Variants in PPP2R5E observed in about 807,000 individuals in gnomAD.
PPP2R5E encodes protein phosphatase 2 regulatory subunit B'epsilon.
Under a neutral mutation model 65.3 loss-of-function variants are expected in PPP2R5E, and 4 were observed. The observed-to-expected ratio is 0.06, with a 90% CI of 0.03 to 0.14. The LOEUF (loss-of-function observed/expected upper bound fraction) is 0.14. Ranked by LOEUF, PPP2R5E falls within the 10% of genes least tolerant of loss-of-function variation. The pLI is 1.00. For missense variants in PPP2R5E, 274 were observed against 556.1 expected (o/e 0.49, Z 5.10); for synonymous variants, 183 against 187.4 (o/e 0.98, Z 0.19).
At chr14:63,393,221 T>C (rs1185892526) in intron 8 of PPP2R5E, among the ~76,000 whole-genome samples, 1 of 152,212 alleles carries the variant, frequency 6.6e-6, no homozygotes, top group African/African-American at 2.4e-5. Flanking sequence ...CATTTTATTA[T>C]ATGTAATAGG....
intron 2 of PPP2R5E, among the ~76,000 whole-genome samples, chr14:63,529,135 T>C (rs1467479590): frequency 6.6e-6 from 1 of 152,174 alleles, no homozygotes; most frequent in Non-Finnish European, 1.5e-5. Context: ...AATTTTTTAA[T>C]TTTCTAGTAG....
chr14:63,383,611 G>A (rs1884495262), intron 12 of PPP2R5E, among the ~76,000 whole-genome samples: 1 of 152,110 alleles, frequency 6.6e-6, no homozygotes, highest in South Asian at 2.1e-4. Flanking sequence ...AATTAGAAAT[G>A]TGATATTTTA....
intron 3 of PPP2R5E, among the ~76,000 whole-genome samples, chr14:63,437,048 C>A (rs1369035320): frequency 6.6e-6 from 1 of 152,164 alleles, no homozygotes; most frequent in Non-Finnish European, 1.5e-5. Context: ...CAAAACCCAC[C>A]AAAACCAAGA....
chr14:63,523,528 A>G (rs1020413077), intron 2 of PPP2R5E, among the ~76,000 whole-genome samples: 2 of 151,862 alleles, frequency 1.3e-5, no homozygotes, highest in African/African-American at 4.8e-5. Context: ...GTTAAGAGTC[A>G]TCACCACTCC....
intron 2 of PPP2R5E, among the ~76,000 whole-genome samples, chr14:63,531,373 A>G (rs1893427531): frequency 6.6e-6 from 1 of 151,610 alleles, no homozygotes; most frequent in Admixed American, 6.6e-5. Flanking sequence ...CCTATGAGTG[A>G]GAACATGCGG....
At chr14:63,540,568 C>T (rs1251756904) in intron 1 of PPP2R5E, among the ~76,000 whole-genome samples, 1 of 145,412 alleles carries the variant, frequency 6.9e-6, no homozygotes, top group East Asian at 2.0e-4. Context: ...AAAAAAAATA[C>T]AAAAATTAGC....
chr14:63,459,827 T>C (rs1473480599), intron 2 of PPP2R5E, among the ~76,000 whole-genome samples: 1 of 152,224 alleles, frequency 6.6e-6, no homozygotes, highest in Non-Finnish European at 1.5e-5. Flanking sequence ...TTGAAATTCT[T>C]TCTCTCCATT....
intron 2 of PPP2R5E, among the ~76,000 whole-genome samples, chr14:63,458,378 C>T (rs917323093): frequency 1.3e-5 from 2 of 152,198 alleles, no homozygotes; most frequent in African/African-American, 2.4e-5. Context: ...TATCACCTCA[C>T]ATTTTCTTCA....
intron 2 of PPP2R5E, among the ~76,000 whole-genome samples, chr14:63,466,364 A>G (rs1889802108): frequency 1.3e-5 from 2 of 152,066 alleles, no homozygotes; most frequent in African/African-American, 4.8e-5. Context: ...ATTTTAAAGT[A>G]TGAGAGCTTA....
At chr14:63,475,041 C>T (rs1459744122) in intron 2 of PPP2R5E, among the ~76,000 whole-genome samples, 1 of 152,242 alleles carries the variant, frequency 6.6e-6, no homozygotes, top group African/African-American at 2.4e-5. Context: ...AGACATGTGA[C>T]ATGCAGGTGG....
chr14:63,436,483 C>A (rs2139416617), intron 3 of PPP2R5E, among the ~76,000 whole-genome samples: 1 of 152,324 alleles, frequency 6.6e-6, no homozygotes, highest in African/African-American at 2.4e-5. Flanking sequence ...TGTCTGTGAC[C>A]TTTCATTAGC....
chr14:63,465,336 G>A (rs1311710575), intron 2 of PPP2R5E, among the ~76,000 whole-genome samples: 2 of 150,986 alleles, frequency 1.3e-5, no homozygotes, highest in African/African-American at 2.4e-5. Flanking sequence ...ATTTTTGACC[G>A]GGCATGGTGG....
intron 3 of PPP2R5E, among the ~76,000 whole-genome samples, chr14:63,434,554 TC>T (rs369637175): frequency 1.8e-4 from 28 of 152,252 alleles, no homozygotes; most frequent in Non-Finnish European, 2.9e-4. Flanking sequence ...CAATACTCAG[TC>T]CCCTATCACC....
intron 2 of PPP2R5E, among the ~76,000 whole-genome samples, chr14:63,476,993 T>A (rs918302643): frequency 6.6e-6 from 1 of 152,072 alleles, no homozygotes; most frequent in African/African-American, 2.4e-5. Context: ...ATCCAATACA[T>A]CTCCATTTCT....
At chr14:63,423,762 C>A (rs1043052767) in intron 3 of PPP2R5E, among the ~76,000 whole-genome samples, 1 of 152,210 alleles carries the variant, frequency 6.6e-6, no homozygotes, top group African/African-American at 2.4e-5. Flanking sequence ...GTGCCTATTA[C>A]GTGTACACAC....
At chr14:63,465,650 CATT>C in intron 2 of PPP2R5E, among the ~76,000 whole-genome samples, 1 of 152,100 alleles carries the variant, frequency 6.6e-6, no homozygotes, top group East Asian at 1.9e-4. Context: ...TTTAAAGAAA[CATT>C]AATTTTTTGT....
chr14:63,478,214 T>C (rs1890504900), intron 2 of PPP2R5E, among the ~76,000 whole-genome samples: 1 of 152,180 alleles, frequency 6.6e-6, no homozygotes, highest in African/African-American at 2.4e-5. Flanking sequence ...CTCTGCAACC[T>C]AACATCTGGC....
chr14:63,410,385 C>T (rs372058419), intron 5 of PPP2R5E, among the ~76,000 whole-genome samples: 20 of 152,134 alleles, frequency 1.3e-4, no homozygotes, highest in African/African-American at 4.1e-4. Flanking sequence ...CAAGGACAAG[C>T]GGGGGTGTGA....
intron 2 of PPP2R5E, among the ~76,000 whole-genome samples, chr14:63,534,078 A>C (rs986574132): frequency 6.6e-5 from 10 of 152,226 alleles, no homozygotes; most frequent in African/African-American, 2.4e-4. Context: ...ACGCAAGGAA[A>C]TGAGGCACAG....
Sources: allele counts gnomAD v4.1 joint callset (sites outside exome capture counted in the v4.1 genomes callset), GRCh38; gene constraint gnomAD v4.1.1; transcripts MANE v1.5; gene names NCBI Gene and HGNC (gene_info 2026-07-23, HGNC 2026-07-21).